PLIN4: variants seen among roughly 807,000 people sequenced by gnomAD.
PLIN4 encodes perilipin-4.
Under a neutral mutation model 52.4 loss-of-function variants are expected in PLIN4, and 57 were observed. That is an observed-to-expected ratio of 1.09 (90% confidence interval 0.88 to 1.36). The LOEUF (loss-of-function observed/expected upper bound fraction) is 1.36, where lower values mean the gene tolerates loss of function less well. Ranked by LOEUF, PLIN4 falls within the 40% of genes most tolerant of loss-of-function variation. The probability of loss-of-function intolerance (pLI) is 0.00; values close to 1 mark genes in which losing one functional copy is unlikely to be tolerated. For missense variants in PLIN4, 1,757 were observed against 1,770.3 expected (o/e 0.99, Z 0.13); for synonymous variants, 826 against 785.4 (o/e 1.05, Z -0.86).
At chr19:4,518,034 G>A (rs560005786) in intron 2 of PLIN4, among the ~76,000 whole-genome samples, 188 bp downstream of exon 2, 10 of 152,302 alleles carry the variant, frequency 6.6e-5, no homozygotes, top group Middle Eastern at 3.4e-3. Context: ...CGAGGTCTGC[G>A]TGGGTCCCCC....
At position 4,504,904 on chromosome 19, in the gene PLIN4, T is replaced by G. The variant is rs776059658; in HGVS notation, c.3746A>C (p.Asp1249Ala). ...CTCCGCACTGGCACCTGAGCCCTGG[T>G]CCAGACGTGGCTGCCCTTCTGGAGC... ...QQAPEGQPRL[D>A]QGSGASAEDA... Residue 1249 changes from aspartate to alanine, a missense_variant, in exon 7 of 8, where the codon GAC becomes GCC. By Grantham distance (126) the Asp-to-Ala change is moderately radical. Coordinates refer to ENST00000301286, the MANE Select transcript of PLIN4 (RefSeq NM_001367868.2). 6.2e-7 allele frequency: 1 copy of G among 1,608,332 alleles called. No homozygotes were observed. Among genetic ancestry groups the G allele is most frequent in the Admixed American group, 1.7e-5 (1 of 59,274 alleles).
At position 4,513,631 on chromosome 19, in the gene PLIN4, A is replaced by G; in HGVS notation, c.329T>C (p.Val110Ala). The change falls in exon 5 of 8, where the codon GTG (valine) becomes GCG (alanine). Residue 110 changes from valine to alanine, a missense_variant. Around this residue, in one of 7 missense-constraint regions of PLIN4, gnomAD observed 332 missense variants for 310.8 expected, o/e 1.07. Coordinates refer to ENST00000301286, the MANE Select transcript of PLIN4 (RefSeq NM_001367868.2). ...CTTAGCCACGTCCACCACGCTGGCC[A>G]CCCCGGAGGACACGGCATCCTTGGC... is the stretch of plus-strand genomic sequence containing the variant. Reference protein sequence around the residue: ...SRAKDAVSSGVASVVDVAKGV... With the variant: ...SRAKDAVSSGAASVVDVAKGV... 6.2e-7 allele frequency: 1 copy of G among 1,608,842 alleles called. No homozygotes were observed. Among genetic ancestry groups the G allele is most frequent in the African/African-American group, 1.3e-5 (1 of 74,820 alleles).
intron 4 of PLIN4, among the ~76,000 whole-genome samples, chr19:4,515,845 G>C (rs1444957395): frequency 6.6e-6 from 1 of 152,206 alleles, no homozygotes; most frequent in Non-Finnish European, 1.5e-5. Context: ...TGGGCACCTT[G>C]GGCCCTGTAG....
At chr19:4,517,495 C>T (rs1976617043) in intron 3 of PLIN4, 59 bp downstream of exon 3, 2 of 1,548,000 alleles carry the variant, frequency 1.3e-6, no homozygotes, top group Admixed American at 1.9e-5. Context: ...CCGGGGAGCT[C>T]CTTCTCCCAG....
At chr19:4,505,861 A>C in intron 6 of PLIN4, among the ~76,000 whole-genome samples, 1 of 149,870 alleles carries the variant, frequency 6.7e-6, no homozygotes, top group Non-Finnish European at 1.5e-5. Context: ...CCTAATATCC[A>C]CTCTGCAACC....
intron 6 of PLIN4, 92 bp from the exon 7 acceptor site, chr19:4,505,039 T>G: frequency 1.6e-6 from 2 of 1,217,298 alleles, no homozygotes; most frequent in Admixed American, 2.0e-5. Context: ...CCTGGGCACA[T>G]TCACAGTCCT....
intron 3 of PLIN4, among the ~76,000 whole-genome samples, chr19:4,516,879 C>G (rs1199488795): frequency 6.6e-6 from 1 of 152,226 alleles, no homozygotes; most frequent in Non-Finnish European, 1.5e-5. Context: ...CCCCCCAAGC[C>G]CAGGGCCGCT....
rs920518270 is a variant in PLIN4, at chr19:4,518,446, C to T, written c.-79G>A. The T allele has an allele frequency of 8.3e-5, 102 of 1,224,834 alleles. No homozygotes were observed. The African/African-American group carries it at 8.7e-4, about 10-fold the overall frequency. The allele number at this position is 1,224,834 out of a possible 1,614,324, so 75.9% of individuals were successfully genotyped here. On this transcript the variant is annotated 5_prime_UTR_variant, in exon 1 of 8. Coordinates refer to ENST00000301286, the MANE Select transcript of PLIN4 (RefSeq NM_001367868.2). The stretch of plus-strand genomic sequence containing the variant: ...GACGCGGCCCCGCTCACCTGGACTG[C>T]GCGGGGTCCCCTGGAGGACGGACCG...
In PLIN4 at chr19:4,510,851, AC is replaced by A. The variant is rs1315078815; in HGVS notation, c.3108del (p.Ser1037GlnfsTer46). On this transcript the variant is annotated frameshift_variant, in exon 5 of 8. Coordinates refer to ENST00000301286, the MANE Select transcript of PLIN4 (RefSeq NM_001367868.2). LOFTEE classifies it high-confidence loss of function. ...TKDAVSAGLMGSGNVATGATH... is the reference protein window; with the variant it reads ...TKDAVSAGLMXSGNVATGATH... ...GTGGCCCCTGTCGCCACGTTCCCTG[AC>A]CCCATGAGCCCAGCGGACACTGCGT... 2 of 1,612,054 alleles carry A rather than the reference AC, an allele frequency of 1.2e-6. No homozygotes were observed. Among genetic ancestry groups the A allele is most frequent in the Admixed American group, 1.7e-5 (1 of 59,866 alleles).
intron 6 of PLIN4, 87 bp from the exon 7 acceptor site, chr19:4,505,034 G>T (rs1430130640): frequency 2.4e-6 from 3 of 1,274,238 alleles, no homozygotes; most frequent in Non-Finnish European, 3.3e-6. Context: ...AGGGACCTGG[G>T]CACATTCACA....
chr19:4,508,490 C>G (rs1192879321), intron 6 of PLIN4, among the ~76,000 whole-genome samples: 1 of 152,208 alleles, frequency 6.6e-6, no homozygotes, highest in Non-Finnish European at 1.5e-5. Flanking sequence ...TGGTCTCGAA[C>G]TCCTGACCTC....
At chr19:4,507,205 G>T (rs572149078) in intron 6 of PLIN4, among the ~76,000 whole-genome samples, 6 of 152,356 alleles carry the variant, frequency 3.9e-5, no homozygotes, top group African/African-American at 1.4e-4. Context: ...TGCACGCCAG[G>T]AATCCTGACC....
intron 4 of PLIN4, among the ~76,000 whole-genome samples, chr19:4,515,797 T>C (rs1355512461): frequency 2.6e-5 from 4 of 152,140 alleles, no homozygotes; most frequent in Non-Finnish European, 5.9e-5. Context: ...AGCCCGGAAA[T>C]TGTATTCTCA....
chr19:4,518,307 A>AGGTGCGTGAATGGG lies in PLIN4; in HGVS notation c.-17-32_-17-19dup. On this transcript the variant is annotated intron_variant, in intron 1 of 7. Coordinates refer to ENST00000301286, the MANE Select transcript of PLIN4 (RefSeq NM_001367868.2). ...GTGAGAAGCTGGAAGGGGGCAGAGA[A>AGGTGCGTGAATGGG]GGTGCGTGAATGGGGGTTCCCTAGC... 3 of 1,232,806 alleles carry AGGTGCGTGAATGGG rather than the reference A, an allele frequency of 2.4e-6. No homozygotes were observed. Among genetic ancestry groups the AGGTGCGTGAATGGG allele is most frequent in the Non-Finnish European group, 3.0e-6 (3 of 988,542 alleles). The allele number at this position is 1,232,806 out of a possible 1,614,324, so 76.4% of individuals were successfully genotyped here.
chr19:4,510,148 C>T (rs1482291351), intron 5 of PLIN4, among the ~76,000 whole-genome samples: 2 of 152,020 alleles, frequency 1.3e-5, no homozygotes, highest in Admixed American at 1.3e-4. Context: ...GGGCGGATCA[C>T]GAGGTCAAGA....
chr19:4,504,478 A>T lies in PLIN4; in HGVS notation c.4097T>A (p.Leu1366Ter). Reference sequence around the variant, plus strand: ...CTACAGCTACTGCCCGCCAGCGGGCAAGGCGAAGGGCCCTACCAGCCAGCT... The same window carrying T: ...CTACAGCTACTGCCCGCCAGCGGGCTAGGCGAAGGGCCCTACCAGCCAGCT... ...PLSWLVGPFA[L>*]PAGGQ The change falls in exon 8 of 8, where the codon TTG becomes TAG. Residue 1366 changes from leucine to a stop codon, truncating the protein, a stop_gained. Coordinates refer to ENST00000301286, the MANE Select transcript of PLIN4 (RefSeq NM_001367868.2). LOFTEE classifies it low-confidence loss of function (END_TRUNC). The T allele has an allele frequency of 1.3e-6, 2 of 1,585,092 alleles. No individual in the cohort carries two copies. Among genetic ancestry groups the T allele is most frequent in the Non-Finnish European group, 1.7e-6 (2 of 1,162,992 alleles).
In PLIN4 at chr19:4,513,364, G is replaced by C; in HGVS notation, c.596C>G (p.Thr199Ser). 6.2e-7 allele frequency: 1 copy of C among 1,613,486 alleles called. No individual in the cohort carries two copies. The highest frequency in any genetic ancestry group is 8.5e-7 in the Non-Finnish European group (1 of 1,179,832). The stretch of plus-strand genomic sequence containing the variant: ...AGTAGTCACTGTGTCTTTGGTGCCG[G>C]TCAGCACAGTCTTGGTGGTGTCCAC... ...AGVDTTKTVL[T>S]GTKDTVTTGV... is the part of the protein sequence containing the mutation. The change falls in exon 5 of 8, where the codon ACC becomes AGC. Residue 199 changes from threonine to serine, a missense_variant. Physicochemically the swap from Thr to Ser is moderately conservative, Grantham distance 58. Around this residue, in one of 7 missense-constraint regions of PLIN4, gnomAD observed 332 missense variants for 310.8 expected, o/e 1.07. Coordinates refer to ENST00000301286, the MANE Select transcript of PLIN4 (RefSeq NM_001367868.2).
In PLIN4 at chr19:4,512,188, T is replaced by G; in HGVS notation, c.1772A>C (p.Lys591Thr). ...GAVQTGVDTAKTVLTGTKDTV... is the reference protein window; with the variant it reads ...GAVQTGVDTATTVLTGTKDTV... Reference sequence around the variant, plus strand: ...GTCCTTGGTGCCGGTCAGCACGGTCTTGGCTGTGTCTACACCTGTCTGGAC... The same window carrying G: ...GTCCTTGGTGCCGGTCAGCACGGTCGTGGCTGTGTCTACACCTGTCTGGAC... The change falls in exon 5 of 8, where the codon AAG becomes ACG. Residue 591 changes from lysine to threonine, a missense_variant. By Grantham distance (78) the Lys-to-Thr change is moderately conservative (BLOSUM62 -1). This residue lies in a region of PLIN4 where 439 missense variants were observed against 406.4 expected (regional missense o/e 1.08). Transcript: ENST00000301286. 3 of 1,612,774 alleles carry G rather than the reference T, an allele frequency of 1.9e-6. No homozygotes were observed. Among genetic ancestry groups the G allele is most frequent in the Non-Finnish European group, 2.5e-6 (3 of 1,179,720 alleles).
intron 6 of PLIN4, 134 bp downstream of exon 6, chr19:4,508,634 A>T: frequency 9.7e-7 from 1 of 1,030,962 alleles, no homozygotes; most frequent in Non-Finnish European, 1.4e-6. Context: ...CCATGAGTAC[A>T]GAGCCATGAC....
Sources: gnomAD v4.1 joint callset for allele counts (sites outside exome capture counted in the v4.1 genomes callset) on GRCh38, gnomAD v4.1.1 for gene constraint, gnomAD v4.1.1 regional missense constraint, MANE v1.5 for transcripts, NCBI Gene and HGNC (gene_info 2026-07-23, HGNC 2026-07-21) for gene names.